IDH1: variants seen among roughly 807,000 people sequenced by gnomAD.
The protein encoded by IDH1 is isocitrate dehydrogenase (NADP(+)) 1.
Under a neutral mutation model 46.1 loss-of-function variants are expected in IDH1, and 33 were observed. That is an observed-to-expected ratio of 0.72 (90% CI 0.54 to 0.96). The LOEUF (loss-of-function observed/expected upper bound fraction) is 0.96. Ranked by LOEUF, IDH1 falls within the 40% of genes least tolerant of loss-of-function variation. IDH1 has a pLI of 0.00. For synonymous variants in IDH1, 144 were observed against 172.8 expected (o/e 0.83, Z 1.31); for missense variants, 421 against 515.7 (o/e 0.82, Z 1.78).
At chr2:208,238,305 G>T (rs1687855940) in intron 9 of IDH1, among the ~76,000 whole-genome samples, 1 of 152,038 alleles carries the variant, frequency 6.6e-6, no homozygotes, top group Non-Finnish European at 1.5e-5. Context: ...AAAGTGCTAG[G>T]ATTACAGGCA....
At chr2:208,245,546 C>A (rs376485396) in intron 4 of IDH1, 122 bp from the exon 5 acceptor site, 2 of 336,652 alleles carry the variant, frequency 5.9e-6, no homozygotes, top group Non-Finnish European at 5.4e-6. Context: ...TGTCAAACTT[C>A]TTTTTTTTTT....
rs182693596 is a variant in IDH1, at chr2:208,243,498, C to G, written c.627G>C (p.Leu209=). ...MALSKGWPLY[L]STKNTILKKY... is the part of the protein sequence containing the mutation. ...TCTTCAGAATAGTGTTTTTGGTGCT[C>G]AGATACAAAGGCCAACCCTTAGACA... Residue 209 remains leucine (L), a synonymous_variant, in exon 6 of 10, where the codon CTG becomes CTC. Transcript: ENST00000345146. 7.7e-5 allele frequency: 125 copies of G among 1,614,014 alleles called. No individual in the cohort carries two copies. In the East Asian group the frequency reaches 2.7e-3, roughly 35 times the overall value.
intron 5 of IDH1, 26 bp downstream of exon 5, chr2:208,245,290 AAAG>A (rs772975591): frequency 1.6e-5 from 18 of 1,106,152 alleles, no homozygotes; most frequent in Non-Finnish European, 2.3e-5. Context: ...TTTAAAAAAA[AAAG>A]AAGCTTATGC....
chr2:208,245,717 A>G (rs1688006641), intron 4 of IDH1, among the ~76,000 whole-genome samples: 1 of 151,320 alleles, frequency 6.6e-6, no homozygotes, highest in African/African-American at 2.4e-5. Context: ...TTACAACCCT[A>G]TAAAGACATA....
chr2:208,252,208 G>A (rs1688138154), intron 2 of IDH1, among the ~76,000 whole-genome samples: 1 of 152,206 alleles, frequency 6.6e-6, no homozygotes, highest in Non-Finnish European at 1.5e-5. Flanking sequence ...TGTTTTCCTA[G>A]AGATAACACA....
intron 3 of IDH1, among the ~76,000 whole-genome samples, chr2:208,251,004 T>C (rs1039133636): frequency 2.6e-5 from 4 of 152,228 alleles, no homozygotes; most frequent in Non-Finnish European, 4.4e-5. Context: ...AAATAAAACC[T>C]TCACAGGAAA....
intron 9 of IDH1, among the ~76,000 whole-genome samples, chr2:208,238,488 C>G (rs974663359): frequency 6.6e-6 from 1 of 152,160 alleles, no homozygotes; most frequent in Non-Finnish European, 1.5e-5. Context: ...ACTATGTTCT[C>G]AGAAAAATTC....
At chr2:208,246,520 G>A (rs1688024412) in intron 4 of IDH1, among the ~76,000 whole-genome samples, 1 of 151,480 alleles carries the variant, frequency 6.6e-6, no homozygotes. Context: ...TAAATGCTTT[G>A]TATAGGTTTA....
chr2:208,247,139 C>A (rs1478958524), intron 4 of IDH1, among the ~76,000 whole-genome samples: 1 of 152,174 alleles, frequency 6.6e-6, no homozygotes, highest in Non-Finnish European at 1.5e-5. Flanking sequence ...ACAAAGTTAA[C>A]TGACCCCTCA....
chr2:208,236,350 C>G lies in IDH1; in HGVS notation c.*729G>C, dbSNP rs1388204062. 4.4e-6 allele frequency: 1 copy of G among 228,072 alleles called. No homozygotes were observed. The highest frequency in any genetic ancestry group is 5.7e-5 in the Admixed American group (1 of 17,568). The allele number at this position is 228,072 out of a possible 1,614,324, so 14.1% of individuals were successfully genotyped here. ...GAAATAAAACAGGCCAGCAGAAGTC[C>G]AAAAAAGATTCAGCTTACATTATTG... On this transcript the variant is annotated 3_prime_UTR_variant, in exon 10 of 10. Coordinates refer to ENST00000345146, the MANE Select transcript of IDH1 (RefSeq NM_005896.4).
At chr2:208,249,437 G>A (rs943521158) in intron 3 of IDH1, among the ~76,000 whole-genome samples, 4 of 152,096 alleles carry the variant, frequency 2.6e-5, no homozygotes, top group African/African-American at 9.7e-5. Flanking sequence ...ATCCATCAAT[G>A]GTTTTCTACA....
intron 7 of IDH1, chr2:208,240,448 A>T (rs1288946381): frequency 2.6e-5 from 4 of 155,322 alleles, no homozygotes; most frequent in Admixed American, 2.5e-4. Flanking sequence ...CTGGACACAG[A>T]GCTCAATCTA....
At chr2:208,243,825 G>C (rs1375763705) in intron 5 of IDH1, among the ~76,000 whole-genome samples, 1 of 152,164 alleles carries the variant, frequency 6.6e-6, no homozygotes, top group Non-Finnish European at 1.5e-5. Flanking sequence ...TGTTTTGGAA[G>C]GACAGCAGAA....
At position 208,236,574 on chromosome 2, in the gene IDH1, T is replaced by C. The variant is rs962761862; in HGVS notation, c.*505A>G. 4 of 238,954 alleles carry C rather than the reference T, an allele frequency of 1.7e-5. No homozygotes were observed. Among genetic ancestry groups the C allele is most frequent in the African/African-American group, 4.4e-5 (2 of 45,334 alleles). The allele number at this position is 238,954 out of a possible 1,614,324, so 14.8% of individuals were successfully genotyped here. A position where few individuals can be genotyped will look rare whatever the true frequency, so the allele number is the denominator to read the frequency against. On this transcript the variant is annotated 3_prime_UTR_variant, in exon 10 of 10. Coordinates refer to ENST00000345146, the MANE Select transcript of IDH1 (RefSeq NM_005896.4). ...AATGACTGCAGTATCTTCAACACAT[T>C]TGAGTTGCACTCCTACTTCGTTCCA...
At chr2:208,242,194 G>A (rs182374552) in intron 6 of IDH1, 49 bp from the exon 7 acceptor site, 19 of 1,554,658 alleles carry the variant, frequency 1.2e-5, no homozygotes, top group Non-Finnish European at 1.6e-5. Flanking sequence ...AATTGATTTT[G>A]TTAGGGATAT....
At chr2:208,252,484 T>C (rs777277204) in intron 2 of IDH1, among the ~76,000 whole-genome samples, 4 of 152,186 alleles carry the variant, frequency 2.6e-5, no homozygotes, top group Non-Finnish European at 2.9e-5. Context: ...TTGGAAGAAA[T>C]GAAACTGTCC....
chr2:208,248,464 C>T lies in IDH1; in HGVS notation c.319G>A (p.Val107Ile), dbSNP rs375658806. ...GTIRNILGGT[V>I]FREAIICKNI... is the part of the protein sequence containing the mutation. ...TTGCAGATAATGGCTTCTCTGAAGA[C>T]CGTGCCACCCAGAATATTTCGTATG... The change falls in exon 4 of 10, where the codon GTC (valine) becomes ATC (isoleucine). Residue 107 changes from valine (V) to isoleucine (I), a missense_variant. By Grantham distance (29) the Val-to-Ile change is conservative. Transcript: ENST00000345146. The T allele has an allele frequency of 1.9e-6, 3 of 1,613,996 alleles. No homozygotes were observed. The highest frequency in any genetic ancestry group is 2.5e-6 in the Non-Finnish European group (3 of 1,179,946).
rs753058442 is a variant in IDH1 at position 208,248,388 on chromosome 2, CGACCTATGATG to C, written c.384_394del (p.Ile128MetfsTer12). On this transcript the variant is annotated frameshift_variant, in exon 4 of 10. Coordinates refer to ENST00000345146, the MANE Select transcript of IDH1 (RefSeq NM_005896.4). LOFTEE classifies it high-confidence loss of function. Reference sequence around the variant, plus strand: ...ACTTACTTGATCCCCATAAGCATGACGACCTATGATGATAGGTTTTACCCATCCACTCACAA... The same window carrying C: ...ACTTACTTGATCCCCATAAGCATGACATAGGTTTTACCCATCCACTCACAA... 2 of 1,613,650 alleles carry C rather than the reference CGACCTATGATG, an allele frequency of 1.2e-6. No individual in the cohort carries two copies. Among genetic ancestry groups the C allele is most frequent in the Non-Finnish European group, 1.7e-6 (2 of 1,179,874 alleles).
rs1364706446 is a variant in IDH1 at position 208,240,609 on chromosome 2, T to C, written c.851-606A>G. 5.3e-5 allele frequency among the ~76,000 whole-genome samples: 8 copies of C among 152,224 alleles called. No individual in the cohort carries two copies. In the South Asian group the frequency reaches 1.2e-3, roughly 24 times the overall value. Reference sequence around the variant, plus strand: ...ACAGGATCGGTTGGATCTAAGAACATCCCAGTTGCCCTTCCTCGCTCTCTT... The same window carrying C: ...ACAGGATCGGTTGGATCTAAGAACACCCCAGTTGCCCTTCCTCGCTCTCTT... On this transcript the variant is annotated intron_variant, in intron 7 of 9. Transcript: ENST00000345146.
Sources: gnomAD v4.1 joint callset for allele counts (sites outside exome capture counted in the v4.1 genomes callset) on GRCh38, gnomAD v4.1.1 for gene constraint, MANE v1.5 for transcripts, NCBI Gene and HGNC (gene_info 2026-07-23, HGNC 2026-07-21) for gene names.